CSMD1: variants seen among roughly 807,000 people sequenced by gnomAD.
CSMD1 encodes CUB and Sushi multiple domains 1.
CSMD1 carries 213 observed loss-of-function variants against 417.5 expected under a neutral mutation model. That is an observed-to-expected ratio of 0.51 (90% CI 0.46 to 0.57). The LOEUF (loss-of-function observed/expected upper bound fraction) is 0.57, where lower values mean the gene tolerates loss of function less well. CSMD1 is among the 20% of genes least tolerant of loss of function. CSMD1 has a pLI of 0.00. For missense variants in CSMD1, 6,923 were observed against 4,529.7 expected, an observed-to-expected ratio of 1.53 and a Z score of -15.17; for synonymous variants, 2,862 against 1,736.8, an observed-to-expected ratio of 1.65 and a Z score of -16.11.
intron 3 of CSMD1, among the ~76,000 whole-genome samples, chr8:4,219,694 GT>G (rs1275175725): frequency 6.6e-6 from 1 of 152,194 alleles, no homozygotes; most frequent in Non-Finnish European, 1.5e-5. Context: ...CAAGTCAAGA[GT>G]TTAAATATTA....
intron 1 of CSMD1, among the ~76,000 whole-genome samples, chr8:4,925,644 T>G (rs971876565): frequency 1.1e-4 from 16 of 151,950 alleles, no homozygotes; most frequent in African/African-American, 3.6e-4. Context: ...CCTCCCGGGT[T>G]CACGCCATTC....
At chr8:4,560,222 G>C (rs1374169159) in intron 2 of CSMD1, among the ~76,000 whole-genome samples, 1 of 152,208 alleles carries the variant, frequency 6.6e-6, no homozygotes, top group East Asian at 1.9e-4. Context: ...AAGCTAAGAA[G>C]CCATGTTTGC....
At chr8:3,815,724 G>T (rs1441496108) in intron 5 of CSMD1, among the ~76,000 whole-genome samples, 5 of 151,082 alleles carry the variant, frequency 3.3e-5, no homozygotes, top group Admixed American at 6.6e-5. Flanking sequence ...CTTTGGACTT[G>T]GAGATTCTCA....
At chr8:3,821,574 G>C (rs1801737962) in intron 5 of CSMD1, among the ~76,000 whole-genome samples, 1 of 152,156 alleles carries the variant, frequency 6.6e-6, no homozygotes, top group South Asian at 2.1e-4. Flanking sequence ...CTGAGGTCAA[G>C]AGTACGAGAC....
At chr8:3,619,148 G>C (rs1425991120) in intron 7 of CSMD1, among the ~76,000 whole-genome samples, 1 of 146,004 alleles carries the variant, frequency 6.8e-6, no homozygotes, top group South Asian at 2.1e-4. Context: ...GATGAGGTTA[G>C]ATTCTTTGGA....
At chr8:4,567,140 T>A (rs1798652392) in intron 2 of CSMD1, among the ~76,000 whole-genome samples, 2 of 152,214 alleles carry the variant, frequency 1.3e-5, no homozygotes, top group African/African-American at 4.8e-5. Context: ...ACAGCCCTAC[T>A]CAGAGTATTC....
intron 11 of CSMD1, among the ~76,000 whole-genome samples, chr8:3,469,956 G>C (rs75011243): frequency 0.036 from 5,484 of 152,258 alleles, 179 homozygotes; most frequent in East Asian, 0.15. Context: ...TGTTTGAAGA[G>C]AGATTTTTTT....
intron 3 of CSMD1, among the ~76,000 whole-genome samples, chr8:4,161,052 C>T (rs1046941726): frequency 2.0e-5 from 3 of 151,816 alleles, no homozygotes; most frequent in African/African-American, 7.3e-5. Flanking sequence ...AAAAACTGAG[C>T]AGTCCCAGAT....
chr8:4,007,621 T>A (rs1816229086), intron 4 of CSMD1, among the ~76,000 whole-genome samples: 1 of 152,214 alleles, frequency 6.6e-6, no homozygotes, highest in Admixed American at 6.5e-5. Context: ...AGCCTGTTCT[T>A]GCACTTGCGT....
chr8:4,578,050 G>A (rs1169998497), intron 2 of CSMD1, among the ~76,000 whole-genome samples: 2 of 152,152 alleles, frequency 1.3e-5, no homozygotes, highest in East Asian at 1.9e-4. Flanking sequence ...ACTCATTAAT[G>A]TGTGTAAAAA....
At chr8:4,592,149 C>T (rs891962861) in intron 2 of CSMD1, among the ~76,000 whole-genome samples, 2 of 151,494 alleles carry the variant, frequency 1.3e-5, no homozygotes, top group African/African-American at 4.9e-5. Flanking sequence ...ATAACATTTG[C>T]CAATTTCTGT....
At chr8:4,404,734 T>C (rs1383126055) in intron 3 of CSMD1, among the ~76,000 whole-genome samples, 2 of 152,110 alleles carry the variant, frequency 1.3e-5, no homozygotes, top group South Asian at 2.1e-4. Flanking sequence ...TATTTATGTT[T>C]AAATTTATTT....
intron 1 of CSMD1, among the ~76,000 whole-genome samples, chr8:4,709,806 G>A (rs942475996): frequency 3.9e-5 from 6 of 152,134 alleles, no homozygotes; most frequent in African/African-American, 1.4e-4. Flanking sequence ...GGCAGGAGAG[G>A]AAAAGAGCAC....
intron 58 of CSMD1, among the ~76,000 whole-genome samples, 175 bp downstream of exon 58, chr8:2,966,394 GA>G (rs573917171): frequency 6.6e-6 from 1 of 151,734 alleles, no homozygotes; most frequent in Admixed American, 6.6e-5. Flanking sequence ...TAAGCAACTG[GA>G]AAAAAAATCT....
intron 41 of CSMD1, chr8:3,127,983 G>A (rs1368462444): frequency 1.4e-5 from 2 of 146,270 alleles, no homozygotes; most frequent in East Asian, 4.1e-4. Flanking sequence ...AAGGAAAGAA[G>A]GGAGGGAGGG....
intron 27 of CSMD1, among the ~76,000 whole-genome samples, chr8:3,224,962 C>T (rs187988155): frequency 5.8e-4 from 89 of 152,268 alleles, no homozygotes; most frequent in Admixed American, 2.0e-3. Context: ...TGTTTTAAAG[C>T]GTGACTACAA....
rs1021884429 is a variant in CSMD1 at position 2,986,040 on chromosome 8, A to G, written c.8378-7240T>C. On this transcript the variant is annotated intron_variant, in intron 54 of 69. Transcript: ENST00000635120. The stretch of plus-strand genomic sequence containing the variant: ...GAGGGAGGGAGAAAACCGTCTCCAT[A>G]GAAGAAGGAAGGAAGGAAGGAAGGA... 4.3e-3 allele frequency among the ~76,000 whole-genome samples: 639 copies of G among 147,508 alleles called. 3 individuals carry two copies. Among genetic ancestry groups the G allele is most frequent in the African/African-American group, 0.015 (582 of 37,602 alleles).
intron 1 of CSMD1, among the ~76,000 whole-genome samples, chr8:4,826,207 C>G (rs1799816153): frequency 6.6e-6 from 1 of 151,906 alleles, no homozygotes; most frequent in Non-Finnish European, 1.5e-5. Context: ...TTGCCTTATT[C>G]ACAATTGTCA....
chr8:3,524,681 A>T (rs1797681179), intron 10 of CSMD1, among the ~76,000 whole-genome samples: 1 of 148,950 alleles, frequency 6.7e-6, no homozygotes, highest in South Asian at 2.2e-4. Flanking sequence ...ACATGTACAC[A>T]CATGCACCAA....
Sources: allele counts gnomAD v4.1 joint callset (sites outside exome capture counted in the v4.1 genomes callset), GRCh38; gene constraint gnomAD v4.1.1; transcripts MANE v1.5; gene names NCBI Gene and HGNC (gene_info 2026-07-23, HGNC 2026-07-21).